The following SEC63 variants were observed in gnomAD, a reference collection of about 807,000 sequenced individuals.
SEC63 encodes SEC63 protein translocation regulator.
A neutral mutation model predicts 116.2 loss-of-function variants in SEC63; 56 were observed. The observed-to-expected ratio is 0.48, with a 90% confidence interval of 0.39 to 0.60. The LOEUF (loss-of-function observed/expected upper bound fraction) is 0.60. SEC63 is among the 20% of genes least tolerant of loss of function. SEC63 has a pLI of 0.00. For synonymous variants in SEC63, 273 were observed against 294.6 expected (o/e 0.93, Z 0.75); for missense variants, 668 against 900.0 (o/e 0.74, Z 3.30).
Position 107,869,230 on chromosome 6 carries a change from A to T in SEC63, c.*2474T>A, listed in dbSNP as rs187799727. 25 of 152,320 alleles carry T rather than the reference A, an allele frequency of 1.6e-4. No individual in the cohort carries two copies. The highest frequency in any genetic ancestry group is 4.6e-4 in the Admixed American group (7 of 15,302). The allele number at this position is 152,320 out of a possible 1,614,324, so 9.4% of individuals were successfully genotyped here. On this transcript the variant is annotated 3_prime_UTR_variant, in exon 21 of 21. Coordinates refer to ENST00000369002, the MANE Select transcript of SEC63 (RefSeq NM_007214.5). ...AAAAATTATGAAAAATGTTTAAAAA[A>T]TTCAAAAAGGACATGAACATCTAAC...
intron 6 of SEC63, among the ~76,000 whole-genome samples, chr6:107,911,632 C>G (rs1454478459): frequency 6.6e-6 from 1 of 152,188 alleles, no homozygotes; most frequent in East Asian, 1.9e-4. Context: ...ACACAGCTAG[C>G]AAATTGCACA....
intron 1 of SEC63, among the ~76,000 whole-genome samples, chr6:107,932,992 T>C (rs1005952164): frequency 6.6e-6 from 1 of 152,096 alleles, no homozygotes; most frequent in African/African-American, 2.4e-5. Context: ...CAAAAGGGAC[T>C]TTACAGATAT....
chr6:107,875,080 T>G (rs1180074588), intron 19 of SEC63, among the ~76,000 whole-genome samples: 1 of 152,096 alleles, frequency 6.6e-6, no homozygotes, highest in Non-Finnish European at 1.5e-5. Flanking sequence ...CCCAGACTGC[T>G]GCTGAATTCC....
At chr6:107,872,760 A>C in intron 20 of SEC63, 48 bp downstream of exon 20, 2 of 1,112,862 alleles carry the variant, frequency 1.8e-6, no homozygotes, top group Non-Finnish European at 2.7e-6. Flanking sequence ...TAGTATATTA[A>C]ACATTTATAC....
At position 107,913,490 on chromosome 6, in the gene SEC63, T is replaced by C. The variant is rs375082912; in HGVS notation, c.453-63A>G. 3.0e-4 allele frequency: 345 copies of C among 1,132,634 alleles called. 4 individuals carry two copies. In the African/African-American group the frequency reaches 3.9e-3, roughly 13 times the overall value. 70.2% of individuals were successfully genotyped at this position (1,132,634 alleles called of 1,614,324 possible). A position where few individuals can be genotyped will look rare whatever the true frequency, so the allele number is the denominator to read the frequency against. ...CACATCTGAAAAACAAGTACTCATA[T>C]AGACAAACTCCATTAGCCAACCAAC... On this transcript the variant is annotated intron_variant, in intron 4 of 20. Coordinates refer to ENST00000369002, the MANE Select transcript of SEC63 (RefSeq NM_007214.5).
intron 16 of SEC63, among the ~76,000 whole-genome samples, chr6:107,886,951 C>T (rs1162088283): frequency 1.3e-5 from 2 of 150,052 alleles, no homozygotes; most frequent in Non-Finnish European, 2.9e-5. Flanking sequence ...GTCAAGAAGT[C>T]TTTGCCCATG....
In SEC63 at chr6:107,883,140, C is replaced by A; in HGVS notation, c.1681G>T (p.Ala561Ser). 1.2e-6 allele frequency: 2 copies of A among 1,611,890 alleles called. No individual in the cohort carries two copies. Among genetic ancestry groups the A allele is most frequent in the East Asian group, 4.5e-5 (2 of 44,766 alleles). ...QANGVVGNEA[A>S]VKEDEEEVSD... ...ACTTCTTCTTCATCTTCCTTTACTG[C>A]AGCTTCCTAAAAGGGAAAGGCAAAC... The change falls in exon 17 of 21, where the codon GCA becomes TCA. Residue 561 changes from alanine (A) to serine (S), a missense_variant. Transcript: ENST00000369002.
intron 16 of SEC63, among the ~76,000 whole-genome samples, chr6:107,892,079 T>C (rs1399623773): frequency 6.6e-6 from 1 of 152,224 alleles, no homozygotes; most frequent in Non-Finnish European, 1.5e-5. Flanking sequence ...TCGAATGCTG[T>C]GCTGGTAGAT....
intron 1 of SEC63, among the ~76,000 whole-genome samples, chr6:107,933,723 CCACGG>C (rs1787862610): frequency 6.6e-6 from 1 of 151,844 alleles, no homozygotes; most frequent in African/African-American, 2.4e-5. Flanking sequence ...TCCCCACGGC[CCACGG>C]TCTCCCTCTC....
chr6:107,913,307 T>C (rs980651117), intron 5 of SEC63, 59 bp downstream of exon 5: 2 of 1,066,504 alleles, frequency 1.9e-6, no homozygotes, highest in African/African-American at 3.1e-5. Context: ...TTTAATCTGG[T>C]TAACATTTTT....
chr6:107,883,641 A>T (rs1002505399), intron 16 of SEC63, among the ~76,000 whole-genome samples: 1 of 149,872 alleles, frequency 6.7e-6, no homozygotes, highest in African/African-American at 2.4e-5. Context: ...AAAAAAAAAA[A>T]TTATATATAT....
Position 107,893,666 on chromosome 6 carries a change from T to C in SEC63, c.1501-11A>G. On this transcript the variant is annotated splice_polypyrimidine_tract_variant and intron_variant, in intron 15 of 20. Transcript: ENST00000369002. ...GTTAGTTTCACCCTGCTGTGAATCATAACACGTCACACTCTTAAGTTATAG... is the reference window on the plus strand; with the variant it reads ...GTTAGTTTCACCCTGCTGTGAATCACAACACGTCACACTCTTAAGTTATAG... 3.1e-6 allele frequency: 5 copies of C among 1,613,944 alleles called. No homozygotes were observed. Among genetic ancestry groups the C allele is most frequent in the Non-Finnish European group, 4.2e-6 (5 of 1,179,880 alleles).
chr6:107,871,286 C>A lies in SEC63; in HGVS notation c.*418G>T. Reference sequence around the variant, plus strand: ...ATCAACTTGAGCGATGTTACTTAAACTTGAGCGATGTTACTTAAAACATAT... The same window carrying A: ...ATCAACTTGAGCGATGTTACTTAAAATTGAGCGATGTTACTTAAAACATAT... On this transcript the variant is annotated 3_prime_UTR_variant, in exon 21 of 21. Transcript: ENST00000369002. 1 of 186,782 alleles carries A rather than the reference C, an allele frequency of 5.4e-6. No homozygotes were observed. Among genetic ancestry groups the A allele is most frequent in the South Asian group, 1.0e-4 (1 of 9,530 alleles). The allele number at this position is 186,782 out of a possible 1,614,324, so 11.6% of individuals were successfully genotyped here. A position where few individuals can be genotyped will look rare whatever the true frequency, so the allele number is the denominator to read the frequency against.
chr6:107,946,899 G>C (rs1168112168), intron 1 of SEC63, among the ~76,000 whole-genome samples: 1 of 152,130 alleles, frequency 6.6e-6, no homozygotes, highest in East Asian at 1.9e-4. Flanking sequence ...AGCTACTCAG[G>C]AGGCTGAGGC....
At chr6:107,954,013 G>A (rs1770648853) in intron 1 of SEC63, among the ~76,000 whole-genome samples, 2 of 152,228 alleles carry the variant, frequency 1.3e-5, no homozygotes, top group South Asian at 4.1e-4. Context: ...TGGCGGTTTT[G>A]TGGAATAGAA....
intron 16 of SEC63, among the ~76,000 whole-genome samples, chr6:107,886,072 T>C (rs1225386158): frequency 6.6e-6 from 1 of 152,186 alleles, no homozygotes; most frequent in Non-Finnish European, 1.5e-5. Context: ...TGTGTTCTCA[T>C]TGTTCAACTC....
At chr6:107,896,406 C>G (rs1786819576) in intron 14 of SEC63, among the ~76,000 whole-genome samples, 1 of 152,062 alleles carries the variant, frequency 6.6e-6, no homozygotes, top group South Asian at 2.1e-4. Flanking sequence ...GCAGAGGTTG[C>G]AGTGAGCCAA....
intron 1 of SEC63, among the ~76,000 whole-genome samples, chr6:107,931,093 G>C (rs1787795309): frequency 6.6e-6 from 1 of 152,142 alleles, no homozygotes; most frequent in South Asian, 2.1e-4. Flanking sequence ...ACTTTGGGAG[G>C]CTGAGGCAGG....
At chr6:107,904,451 T>C (rs895334337) in intron 11 of SEC63, among the ~76,000 whole-genome samples, 178 bp downstream of exon 11, 1 of 150,828 alleles carries the variant, frequency 6.6e-6, no homozygotes, top group African/African-American at 2.4e-5. Flanking sequence ...AGCTGTGATA[T>C]AGACTTTAAA....
Sources: allele counts gnomAD v4.1 joint callset (sites outside exome capture counted in the v4.1 genomes callset), GRCh38; gene constraint gnomAD v4.1.1; transcripts MANE v1.5; gene names NCBI Gene and HGNC (gene_info 2026-07-23, HGNC 2026-07-21).